NEMP1: variants seen among roughly 807,000 people sequenced by gnomAD.
NEMP1 encodes transmembrane protein 194.
NEMP1 carries 29 observed loss-of-function variants against 53.7 expected under a neutral mutation model. That is an observed-to-expected ratio of 0.54 (90% CI 0.40 to 0.74). NEMP1 has a LOEUF of 0.74. Among genes scored for constraint, NEMP1 ranks in the 30% least tolerant of loss-of-function variants. The probability of loss-of-function intolerance (pLI) is 0.00; values close to 1 mark genes in which losing one functional copy is unlikely to be tolerated. For synonymous variants in NEMP1, 193 were observed against 192.9 expected (o/e 1.00, Z 0.00); for missense variants, 477 against 528.6 (o/e 0.90, Z 0.96).
chr12:57,086,199 G>A (rs1328110585), intron 1 of NEMP1, among the ~76,000 whole-genome samples: 2 of 152,210 alleles, frequency 1.3e-5, no homozygotes, highest in Non-Finnish European at 2.9e-5. Flanking sequence ...ACACGTGCGC[G>A]TAGGGACGAC....
At position 57,058,957 on chromosome 12, in the gene NEMP1, A is replaced by T. The variant is rs970309233; in HGVS notation, c.*922T>A. On this transcript the variant is annotated 3_prime_UTR_variant, in exon 9 of 9. Transcript: ENST00000300128. The stretch of plus-strand genomic sequence containing the variant: ...TAAAAAGCATCCAAATCCCCTAAAC[A>T]AGATGACTTCTCCTAGCTAGCAGGA... 4 of 152,216 alleles carry T rather than the reference A, an allele frequency of 2.6e-5. No individual in the cohort carries two copies. The highest frequency in any genetic ancestry group is 9.6e-5 in the African/African-American group (4 of 41,454). The allele number at this position is 152,216 out of a possible 1,614,324, so 9.4% of individuals were successfully genotyped here.
intron 4 of NEMP1, among the ~76,000 whole-genome samples, chr12:57,067,507 T>G (rs1350072928): frequency 6.6e-6 from 1 of 152,172 alleles, no homozygotes; most frequent in Non-Finnish European, 1.5e-5. Flanking sequence ...AGTGAGCACA[T>G]GCTGTTGGGA....
chr12:57,083,697 G>C (rs2032911749), upstream of NEMP1, among the ~76,000 whole-genome samples: 1 of 152,232 alleles, frequency 6.6e-6, no homozygotes, highest in African/African-American at 2.4e-5. Context: ...ATAACCTTAT[G>C]TAAGTTTAGG....
upstream of NEMP1, among the ~76,000 whole-genome samples, chr12:57,079,633 T>G (rs913967020): frequency 3.3e-5 from 5 of 152,134 alleles, no homozygotes; most frequent in Non-Finnish European, 7.4e-5. Flanking sequence ...AAACTGTTAG[T>G]AGAAATTGAA....
chr12:57,066,607 CAAG>C (rs1454774374), intron 4 of NEMP1, among the ~76,000 whole-genome samples: 2 of 152,110 alleles, frequency 1.3e-5, no homozygotes, highest in Admixed American at 6.5e-5. Flanking sequence ...TAGGGAGGCC[CAAG>C]AAGAAGGGAG....
intron 5 of NEMP1, 73 bp downstream of exon 5, chr12:57,064,573 A>C (rs2031980632): frequency 1.3e-5 from 16 of 1,185,366 alleles, no homozygotes; most frequent in Non-Finnish European, 2.0e-5. Flanking sequence ...TCAGTTTTCT[A>C]AGATTACCCA....
At chr12:57,069,190 T>C (rs1455720946) in intron 4 of NEMP1, 44 bp downstream of exon 4, 12 of 1,354,392 alleles carry the variant, frequency 8.9e-6, no homozygotes, top group Non-Finnish European at 1.2e-5. Context: ...GCAGGCAGGA[T>C]AGGTATGAGC....
At position 57,063,486 on chromosome 12, in the gene NEMP1, C is replaced by T. The variant is rs2031923050; in HGVS notation, c.755-142G>A. On this transcript the variant is annotated intron_variant, in intron 6 of 8. Transcript: ENST00000300128. ...TTTACTTAATTTTTCACACTTTTTT[C>T]TTAGAATATATTTCTCTAAGTTTCT... 10 of 686,832 alleles carry T rather than the reference C, an allele frequency of 1.5e-5. No homozygotes were observed. In the South Asian group the frequency reaches 1.8e-4, roughly 13 times the overall value. The allele number at this position is 686,832 out of a possible 1,614,324, so 42.5% of individuals were successfully genotyped here.
intron 1 of NEMP1, among the ~76,000 whole-genome samples, chr12:57,085,478 C>T (rs2032965470): frequency 6.6e-6 from 1 of 152,196 alleles, no homozygotes; most frequent in Admixed American, 6.5e-5. Flanking sequence ...CATATTATTG[C>T]ACTATGTTGT....
chr12:57,068,292 C>T (rs886818297), intron 4 of NEMP1, among the ~76,000 whole-genome samples: 2 of 151,778 alleles, frequency 1.3e-5, no homozygotes, highest in Non-Finnish European at 2.9e-5. Context: ...CATATTTGTA[C>T]ATGTCAGTCT....
chr12:57,064,083 G>T lies in NEMP1; in HGVS notation c.742C>A (p.Gln248Lys). ...CGACAACACTTACTTAAAAGATACT[G>T]CCAGTAACACCTCCAGATCTCTTGT... Reference protein sequence around the residue: ...NLQEIWRCYWQYLLSYVLTVG... With the variant: ...NLQEIWRCYWKYLLSYVLTVG... The change falls in exon 6 of 9, where the codon CAG becomes AAG. Residue 248 changes from glutamine (Q) to lysine (K), a missense_variant. Gln to Lys is a moderately conservative substitution (Grantham distance 53). Transcript: ENST00000300128. 1 of 1,596,918 alleles carries T rather than the reference G, an allele frequency of 6.3e-7. No homozygotes were observed. Among genetic ancestry groups the T allele is most frequent in the Non-Finnish European group, 8.6e-7 (1 of 1,168,648 alleles).
intron 7 of NEMP1, among the ~76,000 whole-genome samples, chr12:57,062,356 C>T (rs539145793): frequency 2.6e-5 from 4 of 151,824 alleles, no homozygotes; most frequent in Admixed American, 6.6e-5. Flanking sequence ...GGCGCCCACC[C>T]GTAGTCCCAA....
chr12:57,078,392 T>G (rs2136521060), intron 1 of NEMP1, among the ~76,000 whole-genome samples: 1 of 152,108 alleles, frequency 6.6e-6, no homozygotes, highest in Admixed American at 6.5e-5. Context: ...CCAAAAGGCT[T>G]CAGGCTCCTC....
chr12:57,068,004 C>T (rs1016556018), intron 4 of NEMP1, among the ~76,000 whole-genome samples: 3 of 152,124 alleles, frequency 2.0e-5, no homozygotes, highest in Admixed American at 2.0e-4. Flanking sequence ...CTCTTGGGCT[C>T]AAGTTATCCT....
intron 6 of NEMP1, 126 bp from the exon 7 acceptor site, chr12:57,063,470 T>A (rs1592501254): frequency 8.5e-6 from 6 of 708,814 alleles, no homozygotes; most frequent in East Asian, 2.7e-5. Context: ...TTTTACTTAA[T>A]TTTTCACACT....
At chr12:57,083,481 A>G (rs918789911), upstream of NEMP1, among the ~76,000 whole-genome samples, 1 of 152,248 alleles carries the variant, frequency 6.6e-6, no homozygotes, top group Admixed American at 6.5e-5. Flanking sequence ...AACACTGATG[A>G]GTAAATGGGG....
chr12:57,079,660 G>C (rs1270127658), upstream of NEMP1, among the ~76,000 whole-genome samples: 2 of 152,108 alleles, frequency 1.3e-5, no homozygotes, highest in Non-Finnish European at 2.9e-5. Context: ...TTTTTAAGAG[G>C]ATCTGATGGT....
intron 1 of NEMP1, among the ~76,000 whole-genome samples, chr12:57,077,518 AAAAC>A (rs969603753): frequency 9.2e-5 from 14 of 152,092 alleles, no homozygotes; most frequent in Admixed American, 2.0e-4. Context: ...AACAAACAAA[AAAAC>A]AAAAAAAGAA....
rs1010694208 is a variant in NEMP1 at position 57,061,048 on chromosome 12, A to G, written c.981-103T>C. 11 of 1,175,406 alleles carry G rather than the reference A, an allele frequency of 9.4e-6. No homozygotes were observed. The Admixed American group carries it at 1.3e-4, about 14-fold the overall frequency. 72.8% of individuals were successfully genotyped at this position (1,175,406 alleles called of 1,614,324 possible). A position where few individuals can be genotyped will look rare whatever the true frequency, so the allele number is the denominator to read the frequency against. On this transcript the variant is annotated intron_variant, in intron 7 of 8. Transcript: ENST00000300128. ...GCCAAGAATACAGCAGACAGCCTGA[A>G]CATTAAGAGTCATCACTCCTAAAAA... is the stretch of plus-strand genomic sequence containing the variant.
Sources: gnomAD v4.1 joint callset for allele counts (sites outside exome capture counted in the v4.1 genomes callset) on GRCh38, gnomAD v4.1.1 for gene constraint, MANE v1.5 for transcripts, NCBI Gene and HGNC (gene_info 2026-07-23, HGNC 2026-07-21) for gene names.